CSMD1: variants seen among roughly 807,000 people sequenced by gnomAD.
CSMD1 encodes CUB and sushi domain-containing protein 1.
Under a neutral mutation model 417.5 loss-of-function variants are expected in CSMD1, and 213 were observed. The ratio of observed to expected loss-of-function variants is 0.51; its 90% CI spans 0.46 to 0.57. The LOEUF (loss-of-function observed/expected upper bound fraction) is 0.57, where lower values mean the gene tolerates loss of function less well. CSMD1 is among the 20% of genes least tolerant of loss of function. CSMD1 has a pLI of 0.00. For missense variants in CSMD1, 6,923 were observed against 4,529.7 expected (o/e 1.53, Z -15.17); for synonymous variants, 2,862 against 1,736.8 (o/e 1.65, Z -16.11).
At chr8:4,660,361 G>C (rs565890905) in intron 1 of CSMD1, among the ~76,000 whole-genome samples, 2 of 152,144 alleles carry the variant, frequency 1.3e-5, no homozygotes, top group Non-Finnish European at 2.9e-5. Flanking sequence ...TACAGGATGT[G>C]TTTGCTGAAA....
chr8:4,018,651 G>C (rs967339333), intron 4 of CSMD1, among the ~76,000 whole-genome samples: 6 of 152,202 alleles, frequency 3.9e-5, no homozygotes, highest in Non-Finnish European at 8.8e-5. Flanking sequence ...GAAAACACTT[G>C]TTTAATTCAA....
chr8:3,409,944 C>A (rs973160121), intron 12 of CSMD1, among the ~76,000 whole-genome samples: 5 of 152,164 alleles, frequency 3.3e-5, no homozygotes, highest in African/African-American at 7.2e-5. Context: ...AATGCAAATA[C>A]CAGTTTAATT....
At chr8:3,633,257 A>C (rs1397741882) in intron 7 of CSMD1, among the ~76,000 whole-genome samples, 1 of 152,232 alleles carries the variant, frequency 6.6e-6, no homozygotes, top group Non-Finnish European at 1.5e-5. Context: ...TTACTCTGAC[A>C]CTGAGAAGTA....
Position 3,797,003 on chromosome 8 carries a change from T to C in CSMD1, c.819-42961A>G, listed in dbSNP as rs1163475701. Among the ~76,000 whole-genome samples, 8 of 151,940 alleles carry C rather than the reference T, an allele frequency of 5.3e-5. No individual in the cohort carries two copies. In the South Asian group the frequency reaches 1.7e-3, roughly 31 times the overall value. On this transcript the variant is annotated intron_variant, in intron 5 of 69. Transcript: ENST00000635120. ...GCTAAAAAGTTAATGTAATATTTAA[T>C]AATGTTGTTAATTATATAAATTTAA...
At chr8:3,230,604 T>G (rs1798778437) in intron 26 of CSMD1, among the ~76,000 whole-genome samples, 1 of 152,190 alleles carries the variant, frequency 6.6e-6, no homozygotes, top group Admixed American at 6.5e-5. Context: ...CTAGTTAAAG[T>G]ACACCAACCT....
Position 3,409,463 on chromosome 8 carries a change from C to T in CSMD1, c.1704G>A (p.Gln568=). Residue 568 remains glutamine (Q), a synonymous_variant, in exon 13 of 70, where the codon CAG becomes CAA. Transcript: ENST00000635120. The part of the protein sequence containing the change: ...ELVGERVITC[Q]QNNQWSGNKP... ...TGTTGCCAGACCACTGATTGTTCTG[C>T]TGACAGGTGATAACTCTCTCCCCCA... 6.2e-7 allele frequency: 1 copy of T among 1,611,604 alleles called. No homozygotes were observed. Among genetic ancestry groups the T allele is most frequent in the South Asian group, 1.1e-5 (1 of 90,284 alleles).
At chr8:3,751,330 A>G (rs60495329) in intron 6 of CSMD1, among the ~76,000 whole-genome samples, 51,352 of 135,860 alleles carry the variant, frequency 0.38, 9,253 homozygotes, top group South Asian at 0.4. Flanking sequence ...GTGTGTGTAT[A>G]TATATATATA....
At chr8:4,354,406 C>T (rs933718432) in intron 3 of CSMD1, among the ~76,000 whole-genome samples, 1 of 152,154 alleles carries the variant, frequency 6.6e-6, no homozygotes, top group Non-Finnish European at 1.5e-5. Flanking sequence ...CACCGTTCCC[C>T]AACAGAACTG....
chr8:4,097,021 C>A lies in CSMD1; in HGVS notation c.416-64922G>T, dbSNP rs530743617. Among the ~76,000 whole-genome samples the A allele has an allele frequency of 2.0e-5, 3 of 152,220 alleles. No individual in the cohort carries two copies. The South Asian group carries it at 6.2e-4, about 32-fold the overall frequency. On this transcript the variant is annotated intron_variant, in intron 3 of 69. Coordinates refer to ENST00000635120, the MANE Select transcript of CSMD1 (RefSeq NM_033225.6). ...AAAATCTTTGAAAATTATTTTTCCACCCCCATCTTTTTTTAATTAACTGAT... is the reference window on the plus strand; with the variant it reads ...AAAATCTTTGAAAATTATTTTTCCAACCCCATCTTTTTTTAATTAACTGAT...
intron 1 of CSMD1, among the ~76,000 whole-genome samples, chr8:4,716,969 T>C (rs1808697298): frequency 6.6e-6 from 1 of 152,180 alleles, no homozygotes; most frequent in African/African-American, 2.4e-5. Context: ...TAATTCCATT[T>C]CAACAAAATC....
At chr8:3,418,408 C>T (rs1036479393) in intron 12 of CSMD1, among the ~76,000 whole-genome samples, 1 of 152,130 alleles carries the variant, frequency 6.6e-6, no homozygotes, top group African/African-American at 2.4e-5. Context: ...GGTGATCCTG[C>T]CCAGAAAACT....
chr8:4,970,240 G>T (rs1053513346), intron 1 of CSMD1, among the ~76,000 whole-genome samples: 14 of 152,108 alleles, frequency 9.2e-5, no homozygotes, highest in Non-Finnish European at 1.6e-4. Flanking sequence ...CACTTTGGGA[G>T]CTGAGTAAGT....
chr8:3,702,548 T>C (rs1038828710), intron 7 of CSMD1, among the ~76,000 whole-genome samples: 1 of 152,200 alleles, frequency 6.6e-6, no homozygotes, highest in Non-Finnish European at 1.5e-5. Flanking sequence ...AATAGAGTGC[T>C]GGCCAGGTGC....
chr8:3,685,327 T>C (rs553179993), intron 7 of CSMD1, among the ~76,000 whole-genome samples: 40 of 152,266 alleles, frequency 2.6e-4, no homozygotes, highest in African/African-American at 9.1e-4. Context: ...CCTGTAAAAA[T>C]TTTTTGAATC....
chr8:4,919,011 G>T (rs373469146), intron 1 of CSMD1, among the ~76,000 whole-genome samples: 1 of 152,152 alleles, frequency 6.6e-6, no homozygotes, highest in Non-Finnish European at 1.5e-5. Context: ...TGTACCAAAA[G>T]ATAAGCCACT....
chr8:3,958,120 A>C (rs1171991168), intron 5 of CSMD1, among the ~76,000 whole-genome samples: 2 of 152,176 alleles, frequency 1.3e-5, no homozygotes, highest in African/African-American at 4.8e-5. Context: ...TCAACATGTT[A>C]ATGAAGCTGC....
chr8:4,835,544 G>A (rs1240656821), intron 1 of CSMD1, among the ~76,000 whole-genome samples: 1 of 152,118 alleles, frequency 6.6e-6, no homozygotes, highest in African/African-American at 2.4e-5. Flanking sequence ...GCAACCTGAG[G>A]GTGGTTAAGT....
chr8:4,853,842 A>AG (rs1330103724), intron 1 of CSMD1, among the ~76,000 whole-genome samples: 2 of 152,252 alleles, frequency 1.3e-5, no homozygotes, highest in African/African-American at 4.8e-5. Flanking sequence ...CACTCCTTGC[A>AG]GTAGTGTGAC....
At chr8:3,168,311 T>C (rs1008445321) in intron 37 of CSMD1, among the ~76,000 whole-genome samples, 4 of 152,210 alleles carry the variant, frequency 2.6e-5, no homozygotes, top group African/African-American at 4.8e-5. Context: ...TTTATTGTAA[T>C]TGACTACATA....
Sources: allele counts gnomAD v4.1 joint callset (sites outside exome capture counted in the v4.1 genomes callset), GRCh38; gene constraint gnomAD v4.1.1; transcripts MANE v1.5; gene names NCBI Gene and HGNC (gene_info 2026-07-23, HGNC 2026-07-21).